Variants in PKNOX2 observed in about 807,000 individuals in gnomAD.
The protein encoded by PKNOX2 is homeobox protein PKNOX2.
In PKNOX2, 14 loss-of-function variants were observed where a neutral mutation model predicts 53.1. The observed-to-expected ratio is 0.26, with a 90% CI of 0.17 to 0.41. The LOEUF (loss-of-function observed/expected upper bound fraction) is 0.41. PKNOX2 is among the 10% of genes least tolerant of loss of function. The pLI, the probability that PKNOX2 is intolerant of heterozygous loss-of-function variation, is 1.00. For synonymous variants in PKNOX2, 257 were observed against 242.8 expected, an observed-to-expected ratio of 1.06 and a Z score of -0.54; for missense variants, 496 against 602.8, an observed-to-expected ratio of 0.82 and a Z score of 1.85.
chr11:125,228,036 T>C lies in PKNOX2; in HGVS notation c.-200-7009T>C, dbSNP rs147471520. Among the ~76,000 whole-genome samples the C allele has an allele frequency of 2.3e-3, 333 of 146,766 alleles. 1 individual carries two copies. The highest frequency in any genetic ancestry group is 7.9e-3 in the African/African-American group (327 of 41,448). ...GGTTAGAACCCAGCTCAGCCGTGTA[T>C]CAGTGGCATGGCATGACCTTGGGTA... is the stretch of plus-strand genomic sequence containing the variant. On this transcript the variant is annotated intron_variant, in intron 1 of 12. Coordinates refer to ENST00000298282, the MANE Select transcript of PKNOX2 (RefSeq NM_001382323.2).
chr11:125,397,866 C>A lies in PKNOX2; in HGVS notation c.400-8C>A. 6.2e-7 allele frequency: 1 copy of A among 1,604,556 alleles called. No individual in the cohort carries two copies. Among genetic ancestry groups the A allele is most frequent in the Non-Finnish European group, 8.5e-7 (1 of 1,175,534 alleles). ...ACACCTGGGCTCACCTCTCCTCCCT[C>A]TCCACAGATGGTGAAGGCAATCCAG... On this transcript the variant is annotated splice_region_variant and splice_polypyrimidine_tract_variant and intron_variant, in intron 6 of 12. Coordinates refer to ENST00000298282, the MANE Select transcript of PKNOX2 (RefSeq NM_001382323.2).
In PKNOX2 at chr11:125,257,253, C is replaced by T. The variant is rs190395506; in HGVS notation, c.-130+22138C>T. ...AGGAATCCCTGCTCCTTTTCCTCTTCGCTGTCCCCGGCTGGCTCACCTGCT... is the reference window on the plus strand; with the variant it reads ...AGGAATCCCTGCTCCTTTTCCTCTTTGCTGTCCCCGGCTGGCTCACCTGCT... On this transcript the variant is annotated intron_variant, in intron 2 of 12. Transcript: ENST00000298282. 1.3e-3 allele frequency among the ~76,000 whole-genome samples: 192 copies of T among 152,292 alleles called. 2 individuals carry two copies. The highest frequency in any genetic ancestry group is 1.3e-3 in the East Asian group (7 of 5,186).
intron 10 of PKNOX2, among the ~76,000 whole-genome samples, chr11:125,426,783 G>A (rs74465701): frequency 0.014 from 2,187 of 152,336 alleles, 44 homozygotes; most frequent in African/African-American, 0.048. Flanking sequence ...TGGGGTCCCT[G>A]CCTGAGAGAA....
chr11:125,230,498 C>T (rs1226112396), intron 1 of PKNOX2, among the ~76,000 whole-genome samples: 1 of 152,190 alleles, frequency 6.6e-6, no homozygotes, highest in Non-Finnish European at 1.5e-5. Flanking sequence ...AATGGCCCAT[C>T]TCAATCAGAT....
chr11:125,313,478 C>T (rs1319061320), intron 2 of PKNOX2, among the ~76,000 whole-genome samples: 3 of 152,214 alleles, frequency 2.0e-5, no homozygotes, highest in Non-Finnish European at 4.4e-5. Context: ...TTCCTGGAAT[C>T]CTCACAGAGC....
chr11:125,413,935 T>C (rs1257585906), intron 10 of PKNOX2, among the ~76,000 whole-genome samples: 1 of 152,108 alleles, frequency 6.6e-6, no homozygotes, highest in Non-Finnish European at 1.5e-5. Flanking sequence ...CCTCACCCTA[T>C]CTGTGGCCTT....
rs796089605 is a variant in PKNOX2 at position 125,253,513 on chromosome 11, G to A, written c.-130+18398G>A. On this transcript the variant is annotated intron_variant, in intron 2 of 12. Transcript: ENST00000298282. ...ATGTGCACGTGTCCTTCAGGGTCCC[G>A]TGCAAATGCCACCGATGGTCCCAGG... 4.2e-4 allele frequency among the ~76,000 whole-genome samples: 64 copies of A among 152,238 alleles called. 1 individual carries two copies. The highest frequency in any genetic ancestry group is 1.2e-3 in the African/African-American group (48 of 41,540).
chr11:125,184,163 G>T (rs1956320315), intron 1 of PKNOX2: 1 of 152,228 alleles, frequency 6.6e-6, no homozygotes, highest in Non-Finnish European at 1.5e-5. Context: ...CATCACAAGA[G>T]ATGTTACAGG....
chr11:125,170,000 T>C (rs181148960), intron 1 of PKNOX2, among the ~76,000 whole-genome samples: 2 of 152,318 alleles, frequency 1.3e-5, no homozygotes, highest in East Asian at 3.9e-4. Context: ...ATCTGACTTA[T>C]CAGAAATGCA....
At chr11:125,270,890 C>T (rs1945744448) in intron 2 of PKNOX2, among the ~76,000 whole-genome samples, 1 of 152,148 alleles carries the variant, frequency 6.6e-6, no homozygotes, top group Non-Finnish European at 1.5e-5. Flanking sequence ...CAGGCATGGG[C>T]TGATTCAGGA....
chr11:125,359,559 T>A (rs191886323), intron 4 of PKNOX2, among the ~76,000 whole-genome samples: 1 of 152,328 alleles, frequency 6.6e-6, no homozygotes, highest in East Asian at 1.9e-4. Context: ...AATGTTCATG[T>A]CCCCTGTTGC....
At chr11:125,239,936 A>G (rs1943017965) in intron 2 of PKNOX2, 1 of 152,252 alleles carries the variant, frequency 6.6e-6, no homozygotes. Context: ...AGGCTTTCCG[A>G]GCTGCAAATC....
At chr11:125,213,651 C>G (rs543087001) in intron 1 of PKNOX2, among the ~76,000 whole-genome samples, 3 of 152,034 alleles carry the variant, frequency 2.0e-5, no homozygotes, top group African/African-American at 7.2e-5. Context: ...AAAGACAAGG[C>G]CTCCCTATGT....
chr11:125,279,551 C>T (rs1014549273), intron 2 of PKNOX2, among the ~76,000 whole-genome samples: 1 of 152,224 alleles, frequency 6.6e-6, no homozygotes, highest in Admixed American at 6.5e-5. Context: ...TGCCATTCAA[C>T]TTGCAGTGTC....
Position 125,411,632 on chromosome 11 carries a change from G to A in PKNOX2, c.817-114G>A, listed in dbSNP as rs774667003. 4 of 1,565,300 alleles carry A rather than the reference G, an allele frequency of 2.6e-6. No individual in the cohort carries two copies. The African/African-American group carries it at 5.4e-5, about 21-fold the overall frequency. On this transcript the variant is annotated intron_variant, in intron 9 of 12. Coordinates refer to ENST00000298282, the MANE Select transcript of PKNOX2 (RefSeq NM_001382323.2). ...GAAAGGTGACCTCCCCAGGGCCCTA[G>A]GAATGAGCCGGGAAAGGGGCTGGCA...
At chr11:125,232,621 A>G (rs190808002) in intron 1 of PKNOX2, among the ~76,000 whole-genome samples, 7 of 152,296 alleles carry the variant, frequency 4.6e-5, no homozygotes, top group Admixed American at 1.3e-4. Context: ...TTTTCTATTC[A>G]TCATTGTCGA....
Position 125,178,682 on chromosome 11 carries a change from G to A in PKNOX2, c.-201+13906G>A, listed in dbSNP as rs1233226313. ...GGAAGGAAGGAAGGAAAGAAAGAGA[G>A]AGAGAGAGAGAGAGAGAAAGAAAGA... On this transcript the variant is annotated intron_variant, in intron 1 of 12. Coordinates refer to ENST00000298282, the MANE Select transcript of PKNOX2 (RefSeq NM_001382323.2). Among the ~76,000 whole-genome samples, 59 of 133,368 alleles carry A rather than the reference G, an allele frequency of 4.4e-4. 1 individual carries two copies. The highest frequency in any genetic ancestry group is 1.8e-3 in the African/African-American group (50 of 27,728). 87.5% of individuals were successfully genotyped at this position (133,368 alleles called of 152,430 possible). A position where few individuals can be genotyped will look rare whatever the true frequency, so the allele number is the denominator to read the frequency against.
chr11:125,263,529 T>C (rs1465884130), intron 2 of PKNOX2, among the ~76,000 whole-genome samples: 1 of 152,188 alleles, frequency 6.6e-6, no homozygotes, highest in Non-Finnish European at 1.5e-5. Context: ...TCGGTTTCCA[T>C]AGCAACCAGC....
intron 2 of PKNOX2, among the ~76,000 whole-genome samples, chr11:125,265,308 G>A (rs1294616937): frequency 6.6e-6 from 1 of 151,938 alleles, no homozygotes; most frequent in Non-Finnish European, 1.5e-5. Context: ...AAGTTACAGG[G>A]CTCATTACAA....
Sources: gnomAD v4.1 joint callset for allele counts (sites outside exome capture counted in the v4.1 genomes callset) on GRCh38, gnomAD v4.1.1 for gene constraint, MANE v1.5 for transcripts, NCBI Gene and HGNC (gene_info 2026-07-23, HGNC 2026-07-21) for gene names.